PTGES3: variants seen among roughly 807,000 people sequenced by gnomAD.
PTGES3 encodes the protein Hsp90 co-chaperone.
PTGES3 carries 5 observed loss-of-function variants against 29.9 expected under a neutral mutation model. The observed-to-expected ratio is 0.17, with a 90% CI of 0.09 to 0.35. PTGES3 has a LOEUF of 0.35. Ranked by LOEUF, PTGES3 falls within the 10% of genes least tolerant of loss-of-function variation. The pLI, the probability that PTGES3 is intolerant of heterozygous loss-of-function variation, is 1.00. For missense variants in PTGES3, 128 were observed against 190.0 expected (o/e 0.67, Z 1.92); for synonymous variants, 49 against 57.8 (o/e 0.85, Z 0.69).
At chr12:56,670,494 C>A in intron 4 of PTGES3, 130 bp from the exon 5 acceptor site, 1 of 656,682 alleles carries the variant, frequency 1.5e-6, no homozygotes, top group South Asian at 1.7e-5. Flanking sequence ...GTGCAGCAAG[C>A]ATTCACAGGT....
intron 1 of PTGES3, among the ~76,000 whole-genome samples, chr12:56,684,777 C>G (rs973146894): frequency 3.9e-5 from 6 of 152,150 alleles, no homozygotes; most frequent in African/African-American, 1.4e-4. Context: ...AAAATCCCAG[C>G]CTTCTCCAAG....
intron 1 of PTGES3, among the ~76,000 whole-genome samples, chr12:56,676,963 C>A (rs574437740): frequency 9.9e-4 from 135 of 136,622 alleles, no homozygotes; most frequent in African/African-American, 3.5e-3. Context: ...TGGCTAAGTG[C>A]GGTGGCTTAT....
chr12:56,665,098 CA>C, intron 6 of PTGES3: 1 of 985,134 alleles, frequency 1.0e-6, no homozygotes, highest in Non-Finnish European at 1.2e-6. Context: ...AAACATGGAT[CA>C]ATATGAAGAA....
intron 1 of PTGES3, chr12:56,687,264 G>C: frequency 1.0e-6 from 1 of 1,002,938 alleles, no homozygotes. Flanking sequence ...AGTAGAACAT[G>C]AAACACAGAA....
chr12:56,676,956 C>T (rs891339037), intron 1 of PTGES3, among the ~76,000 whole-genome samples: 1 of 136,224 alleles, frequency 7.3e-6, no homozygotes, highest in African/African-American at 2.8e-5. Context: ...ATAGTGCTGG[C>T]TAAGTGCGGT....
At chr12:56,677,325 A>T (rs546431102) in intron 1 of PTGES3, among the ~76,000 whole-genome samples, 1 of 152,084 alleles carries the variant, frequency 6.6e-6, no homozygotes, top group Non-Finnish European at 1.5e-5. Flanking sequence ...CTTAGAGTGG[A>T]AACTACCACA....
rs148473134 is a variant in PTGES3 at position 56,663,487 on chromosome 12, T to G, written c.*992A>C. 8.7e-5 allele frequency: 13 copies of G among 149,838 alleles called. No individual in the cohort carries two copies. The East Asian group carries it at 2.5e-3, about 29-fold the overall frequency. 9.3% of individuals were successfully genotyped at this position (149,838 alleles called of 1,614,324 possible). On this transcript the variant is annotated 3_prime_UTR_variant, in exon 8 of 8. Coordinates refer to ENST00000262033, the MANE Select transcript of PTGES3 (RefSeq NM_006601.7). The stretch of plus-strand genomic sequence containing the variant: ...TTCCTGTGACATTACAGCAAGCCTC[T>G]TTTTTCAAACAGAGGAATAATCCCA...
At chr12:56,664,682 T>C in intron 7 of PTGES3, 94 bp downstream of exon 7, 1 of 1,473,814 alleles carries the variant, frequency 6.8e-7, no homozygotes, top group South Asian at 1.3e-5. Context: ...AAAGAAAAAA[T>C]TACTTTACTT....
At position 56,672,754 on chromosome 12, in the gene PTGES3, A is replaced by G; in HGVS notation, c.172T>C (p.Cys58Arg). The change falls in exon 3 of 8, where the codon TGT becomes CGT. Residue 58 changes from cysteine to arginine, a missense_variant. Transcript: ENST00000262033. ...KHLNEIDLFH[C>R]IDPNDSKHKR... is the part of the protein sequence containing the mutation. Reference sequence around the variant, plus strand: ...AGACTACTTACATTTGGATCAATACAGTGAAAAAGATCAATTTCATTTAAA... The same window carrying G: ...AGACTACTTACATTTGGATCAATACGGTGAAAAAGATCAATTTCATTTAAA... 1 of 1,589,166 alleles carries G rather than the reference A, an allele frequency of 6.3e-7. No individual in the cohort carries two copies. Among genetic ancestry groups the G allele is most frequent in the Non-Finnish European group, 8.6e-7 (1 of 1,169,284 alleles).
intron 1 of PTGES3, among the ~76,000 whole-genome samples, chr12:56,681,984 T>C (rs1952563930): frequency 1.3e-5 from 2 of 151,976 alleles, no homozygotes; most frequent in Admixed American, 1.3e-4. Context: ...GTAGCTGGGA[T>C]TACAGGCACC....
intron 1 of PTGES3, among the ~76,000 whole-genome samples, chr12:56,676,775 TAGAC>T (rs1313990194): frequency 2.0e-5 from 3 of 151,556 alleles, no homozygotes; most frequent in Non-Finnish European, 4.4e-5. Context: ...ATACAAAAAT[TAGAC>T]AGGCATGGTG....
intron 1 of PTGES3, among the ~76,000 whole-genome samples, chr12:56,686,563 G>A (rs952046940): frequency 6.6e-6 from 1 of 151,846 alleles, no homozygotes; most frequent in Admixed American, 6.6e-5. Context: ...TTTTTGCAGC[G>A]ACGCGGTTTC....
At chr12:56,686,213 T>C (rs549806333) in intron 1 of PTGES3, among the ~76,000 whole-genome samples, 9 of 152,148 alleles carry the variant, frequency 5.9e-5, no homozygotes, top group East Asian at 1.9e-4. Flanking sequence ...CGAAAAGATA[T>C]GTTGTTTGGC....
At chr12:56,667,902 G>A (rs1314065445) in intron 5 of PTGES3, among the ~76,000 whole-genome samples, 1 of 152,218 alleles carries the variant, frequency 6.6e-6, no homozygotes, top group African/African-American at 2.4e-5. Context: ...GAGGTCAGGA[G>A]TTCGAGGCTA....
chr12:56,673,740 C>CCGAGATTG (rs1952100241), intron 1 of PTGES3, among the ~76,000 whole-genome samples: 1 of 146,830 alleles, frequency 6.8e-6, no homozygotes, highest in African/African-American at 2.5e-5. Context: ...TTGCAATGAG[C>CCGAGATTG]CGAGATTGCG....
chr12:56,664,671 TA>T, intron 7 of PTGES3, 104 bp downstream of exon 7: 2 of 1,448,114 alleles, frequency 1.4e-6, no homozygotes, highest in Non-Finnish European at 1.9e-6. Flanking sequence ...TTCAAGGTCA[TA>T]AAGAAAAAAT....
intron 6 of PTGES3, chr12:56,665,877 A>G: frequency 1.1e-6 from 1 of 929,648 alleles, no homozygotes; most frequent in Non-Finnish European, 1.3e-6. Flanking sequence ...TACTCTGCCC[A>G]CCTGGCCTGC....
chr12:56,687,708 G>A (rs904836394), intron 1 of PTGES3: 30 of 1,348,914 alleles, frequency 2.2e-5, no homozygotes, highest in African/African-American at 7.7e-5. Context: ...AAGGCCTAGG[G>A]TGAAGTTACC....
intron 5 of PTGES3, among the ~76,000 whole-genome samples, 161 bp downstream of exon 5, chr12:56,670,114 T>C (rs1254386881): frequency 1.3e-5 from 2 of 152,156 alleles, no homozygotes; most frequent in Non-Finnish European, 2.9e-5. Flanking sequence ...AGGATTAAAA[T>C]TGCCATTGTT....
Sources: allele counts gnomAD v4.1 joint callset (sites outside exome capture counted in the v4.1 genomes callset), GRCh38; gene constraint gnomAD v4.1.1; transcripts MANE v1.5; gene names NCBI Gene and HGNC (gene_info 2026-07-23, HGNC 2026-07-21).